The following NBAS variants were observed in gnomAD, a reference collection of about 807,000 sequenced individuals.
NBAS encodes NAG/BC035112 fusion.
In NBAS, 219 loss-of-function variants were observed where a neutral mutation model predicts 302.5. The ratio of observed to expected loss-of-function variants is 0.72; its 90% CI spans 0.65 to 0.81. The LOEUF is 0.81. NBAS is among the 30% of genes least tolerant of loss of function. The pLI, the probability that NBAS is intolerant of heterozygous loss-of-function variation, is 0.00. For synonymous variants in NBAS, 1,118 were observed against 1,021.6 expected (o/e 1.09, Z -1.80); for missense variants, 2,932 against 2,841.6 (o/e 1.03, Z -0.72).
chr2:15,459,503 C>CTTTTTTTTTTTTTTTTTTTTTT (rs66914120), intron 21 of NBAS, among the ~76,000 whole-genome samples: 3 of 141,386 alleles, frequency 2.1e-5, no homozygotes, highest in African/African-American at 2.6e-5. Context: ...AGCATTTTTT[C>CTTTTTTTTTTTTTTTTTTTTTT]TTTTTTTTTG....
chr2:15,334,511 A>G (rs764565235), intron 35 of NBAS, among the ~76,000 whole-genome samples: 9 of 152,198 alleles, frequency 5.9e-5, no homozygotes, highest in African/African-American at 1.9e-4. Context: ...ATTTGGCATC[A>G]AAGTGTTCAC....
intron 44 of NBAS, among the ~76,000 whole-genome samples, chr2:15,239,203 G>A (rs1025039663): frequency 2.6e-5 from 4 of 151,888 alleles, no homozygotes; most frequent in African/African-American, 9.7e-5. Context: ...AAACATTTTG[G>A]AATATGTTTG....
intron 11 of NBAS, among the ~76,000 whole-genome samples, chr2:15,490,002 T>A (rs959751538): frequency 6.6e-6 from 1 of 152,200 alleles, no homozygotes; most frequent in East Asian, 1.9e-4. Flanking sequence ...CATCCCCAGA[T>A]GACAACAGAA....
intron 6 of NBAS, among the ~76,000 whole-genome samples, chr2:15,540,071 A>T (rs1232783246): frequency 6.6e-6 from 1 of 152,240 alleles, no homozygotes; most frequent in Non-Finnish European, 1.5e-5. Context: ...GAGGATGTGA[A>T]ACTCTATGTT....
At chr2:14,862,450 C>G in the NBAS span, among the ~76,000 whole-genome samples, 1 of 152,094 alleles carries the variant, frequency 6.6e-6, no homozygotes, top group Non-Finnish European at 1.5e-5. Context: ...TAATTAGTTT[C>G]TGGAAGGTGG....
chr2:14,810,562 G>T, the NBAS span, among the ~76,000 whole-genome samples: 1 of 152,134 alleles, frequency 6.6e-6, no homozygotes, highest in Admixed American at 6.5e-5. Context: ...AAATTGCTCG[G>T]TCTTGGGCAT....
chr2:15,433,910 G>A (rs1370182038), intron 21 of NBAS, among the ~76,000 whole-genome samples: 4 of 151,396 alleles, frequency 2.6e-5, no homozygotes, highest in Non-Finnish European at 5.9e-5. Flanking sequence ...ACCAGCCCCG[G>A]CAACAGAGCA....
At chr2:15,547,426 T>TCA (rs902480665) in intron 6 of NBAS, among the ~76,000 whole-genome samples, 4 of 152,192 alleles carry the variant, frequency 2.6e-5, no homozygotes, top group African/African-American at 9.7e-5. Context: ...GGTCATAAAT[T>TCA]CACACACACA....
chr2:15,019,866 C>T, the NBAS span, among the ~76,000 whole-genome samples: 1 of 152,144 alleles, frequency 6.6e-6, no homozygotes, highest in African/African-American at 2.4e-5. Flanking sequence ...ACTCTGTTAG[C>T]ACCTTGATCC....
chr2:15,294,316 G>T (rs1670450187), intron 40 of NBAS, among the ~76,000 whole-genome samples: 1 of 152,174 alleles, frequency 6.6e-6, no homozygotes, highest in African/African-American at 2.4e-5. Flanking sequence ...TCCAGTAAAA[G>T]GTAGAAAATG....
intron 42 of NBAS, among the ~76,000 whole-genome samples, chr2:15,285,307 C>A (rs1401990703): frequency 6.6e-6 from 1 of 152,160 alleles, no homozygotes; most frequent in Non-Finnish European, 1.5e-5. Context: ...AATACTCACT[C>A]CCTTTCTTTA....
At chr2:14,785,102 T>A in the NBAS span, among the ~76,000 whole-genome samples, 68 of 152,234 alleles carry the variant, frequency 4.5e-4, no homozygotes, top group Admixed American at 3.1e-3. Flanking sequence ...GAGTTCACTC[T>A]TGATTTGGCT....
intron 40 of NBAS, among the ~76,000 whole-genome samples, chr2:15,303,490 C>T (rs144485441): frequency 6.6e-6 from 1 of 152,296 alleles, no homozygotes; most frequent in Admixed American, 6.5e-5. Flanking sequence ...AAGATAAACA[C>T]ACCTACTTCG....
At chr2:15,496,607 G>C (rs1331768299) in intron 11 of NBAS, among the ~76,000 whole-genome samples, 1 of 151,894 alleles carries the variant, frequency 6.6e-6, no homozygotes, top group Non-Finnish European at 1.5e-5. Flanking sequence ...GAGAGAGGGA[G>C]GGAGAAGGAG....
At chr2:15,103,673 A>G in the NBAS span, among the ~76,000 whole-genome samples, 1 of 152,162 alleles carries the variant, frequency 6.6e-6, no homozygotes, top group Non-Finnish European at 1.5e-5. Flanking sequence ...TAATATTTCT[A>G]TATCCCCATA....
chr2:14,969,768 T>C, the NBAS span, among the ~76,000 whole-genome samples: 1 of 151,982 alleles, frequency 6.6e-6, no homozygotes, highest in Admixed American at 6.6e-5. Context: ...CCAAAACAAA[T>C]GAAGTTCAAT....
the NBAS span, among the ~76,000 whole-genome samples, chr2:15,110,106 C>A: frequency 2.0e-5 from 3 of 151,984 alleles, no homozygotes; most frequent in Non-Finnish European, 2.9e-5. Flanking sequence ...ATTTCTGAAG[C>A]TGGGGGAGTG....
At chr2:14,995,302 C>T in the NBAS span, among the ~76,000 whole-genome samples, 13 of 152,002 alleles carry the variant, frequency 8.6e-5, no homozygotes, top group African/African-American at 2.7e-4. Flanking sequence ...TTAGTGAGAA[C>T]ATGTGGTGTT....
intron 11 of NBAS, among the ~76,000 whole-genome samples, chr2:15,490,773 C>G (rs1680821840): frequency 6.6e-6 from 1 of 152,224 alleles, no homozygotes; most frequent in South Asian, 2.1e-4. Flanking sequence ...TGAGCCAGGA[C>G]TATAGTCCTC....
Sources: allele counts gnomAD v4.1 joint callset (sites outside exome capture counted in the v4.1 genomes callset), GRCh38; gene constraint gnomAD v4.1.1; transcripts MANE v1.5; gene names NCBI Gene and HGNC (gene_info 2026-07-23, HGNC 2026-07-21).